The following SH3GL3 variants were observed in gnomAD, a reference collection of about 807,000 sequenced individuals.
SH3GL3 encodes endophilin-A3.
SH3GL3 carries 33 observed loss-of-function variants against 47.7 expected under a neutral mutation model. The ratio of observed to expected loss-of-function variants is 0.69; its 90% CI spans 0.52 to 0.92. The LOEUF (loss-of-function observed/expected upper bound fraction) is 0.92, where lower values mean the gene tolerates loss of function less well. Ranked by LOEUF, SH3GL3 falls within the 40% of genes least tolerant of loss-of-function variation. The pLI is 0.00. For synonymous variants in SH3GL3, 155 were observed against 148.8 expected (o/e 1.04, Z -0.30); for missense variants, 363 against 417.8 (o/e 0.87, Z 1.14).
chr15:83,567,750 G>C (rs1287790812), intron 3 of SH3GL3, among the ~76,000 whole-genome samples: 2 of 152,146 alleles, frequency 1.3e-5, no homozygotes, highest in Non-Finnish European at 2.9e-5. Flanking sequence ...TTAATGACCA[G>C]TTGGTTGTTT....
intron 1 of SH3GL3, among the ~76,000 whole-genome samples, chr15:83,545,567 T>G (rs1438889270): frequency 1.3e-5 from 2 of 152,216 alleles, no homozygotes; most frequent in Non-Finnish European, 2.9e-5. Context: ...TGGACGGTCT[T>G]GATACTTGTG....
intron 1 of SH3GL3, among the ~76,000 whole-genome samples, chr15:83,470,888 G>A (rs2151530955): frequency 6.6e-6 from 1 of 152,214 alleles, no homozygotes; most frequent in Non-Finnish European, 1.5e-5. Context: ...ACCAGTTCAA[G>A]TGAAGTGTAG....
the SH3GL3 span, among the ~76,000 whole-genome samples, chr15:83,624,007 G>A: frequency 5.3e-5 from 8 of 152,154 alleles, no homozygotes; most frequent in Non-Finnish European, 7.4e-5. Context: ...GGCTGGTCTC[G>A]AACTCCTGAC....
At chr15:83,467,396 A>C (rs1596033702) in intron 1 of SH3GL3, among the ~76,000 whole-genome samples, 1 of 152,216 alleles carries the variant, frequency 6.6e-6, no homozygotes, top group African/African-American at 2.4e-5. Context: ...TGACCTGTAT[A>C]TCTGTCCCTT....
At chr15:83,631,320 T>C in the SH3GL3 span, among the ~76,000 whole-genome samples, 1 of 152,194 alleles carries the variant, frequency 6.6e-6, no homozygotes, top group African/African-American at 2.4e-5. Context: ...CAGTGGATTC[T>C]GGAGTCTGAA....
chr15:83,571,017 A>G (rs949489944), intron 4 of SH3GL3, among the ~76,000 whole-genome samples: 1 of 152,142 alleles, frequency 6.6e-6, no homozygotes, highest in Non-Finnish European at 1.5e-5. Flanking sequence ...TGAGGAAGAG[A>G]GCTGATGTCA....
intron 6 of SH3GL3, among the ~76,000 whole-genome samples, chr15:83,580,580 A>G (rs2059804652): frequency 6.6e-6 from 1 of 152,244 alleles, no homozygotes; most frequent in African/African-American, 2.4e-5. Flanking sequence ...CCGGATTGGA[A>G]TCAAGGGACA....
intron 1 of SH3GL3, among the ~76,000 whole-genome samples, chr15:83,520,510 G>T (rs1033394743): frequency 1.3e-5 from 2 of 152,128 alleles, no homozygotes; most frequent in African/African-American, 4.8e-5. Flanking sequence ...AAAAGTGGGA[G>T]AAAGCTGTCT....
At chr15:83,482,194 G>A (rs2041388218) in intron 1 of SH3GL3, among the ~76,000 whole-genome samples, 1 of 151,880 alleles carries the variant, frequency 6.6e-6, no homozygotes. Context: ...TTTTTAAATT[G>A]TCATTTTCAA....
chr15:83,510,891 A>G (rs1045321568), intron 1 of SH3GL3, among the ~76,000 whole-genome samples: 3 of 151,764 alleles, frequency 2.0e-5, no homozygotes, highest in Non-Finnish European at 4.4e-5. Context: ...GGCTTTCCCA[A>G]AAGAAAGCTG....
At chr15:83,497,463 TA>T (rs1230609169) in intron 1 of SH3GL3, among the ~76,000 whole-genome samples, 1 of 152,210 alleles carries the variant, frequency 6.6e-6, no homozygotes, top group Non-Finnish European at 1.5e-5. Flanking sequence ...CCTTGTCCAC[TA>T]GAGGCAAGGT....
chr15:83,553,495 C>T (rs1387291661), intron 1 of SH3GL3, among the ~76,000 whole-genome samples: 1 of 152,158 alleles, frequency 6.6e-6, no homozygotes, highest in African/African-American at 2.4e-5. Flanking sequence ...CCTTCTTCCT[C>T]CCTCTCCCTT....
the SH3GL3 span, among the ~76,000 whole-genome samples, chr15:83,631,261 A>C: frequency 6.6e-6 from 1 of 152,110 alleles, no homozygotes; most frequent in Non-Finnish European, 1.5e-5. Flanking sequence ...CTACTTTCAC[A>C]GTTGGCATTG....
At chr15:83,468,150 A>T (rs1323478613) in intron 1 of SH3GL3, among the ~76,000 whole-genome samples, 2 of 152,218 alleles carry the variant, frequency 1.3e-5, no homozygotes, top group African/African-American at 4.8e-5. Flanking sequence ...TATTCAATGT[A>T]GGTGTCCATG....
At chr15:83,561,913 A>C (rs1001613987) in intron 2 of SH3GL3, among the ~76,000 whole-genome samples, 2 of 152,124 alleles carry the variant, frequency 1.3e-5, no homozygotes, top group Admixed American at 1.3e-4. Flanking sequence ...AGATGCTGTC[A>C]TACCAGGTTG....
intron 1 of SH3GL3, among the ~76,000 whole-genome samples, chr15:83,497,610 T>C (rs1385882625): frequency 1.3e-5 from 2 of 152,188 alleles, no homozygotes; most frequent in Non-Finnish European, 2.9e-5. Flanking sequence ...AATCCTTCCC[T>C]TGACTCTCTC....
rs116115722 is a variant in SH3GL3, at chr15:83,523,071, T to C, written c.46-36182T>C. Among the ~76,000 whole-genome samples the C allele has an allele frequency of 2.6e-3, 399 of 152,356 alleles. 2 individuals carry two copies. The highest frequency in any genetic ancestry group is 9.1e-3 in the African/African-American group (380 of 41,576). On this transcript the variant is annotated intron_variant, in intron 1 of 8. Transcript: ENST00000427482. ...TAAAAAATAGATTTACATGTGATGT[T>C]TCAAGGACATATCTTGTGAAGGAAG...
chr15:83,515,527 G>T (rs180883856), intron 1 of SH3GL3, among the ~76,000 whole-genome samples: 3 of 151,966 alleles, frequency 2.0e-5, no homozygotes, highest in Admixed American at 6.6e-5. Context: ...CATGCAGGTG[G>T]GGGGGGAGGG....
chr15:83,508,215 C>T (rs1019717206), intron 1 of SH3GL3, among the ~76,000 whole-genome samples: 2 of 152,124 alleles, frequency 1.3e-5, no homozygotes, highest in African/African-American at 2.4e-5. Context: ...GCTGGGATTA[C>T]AGGCTTGAGC....
Sources: gnomAD v4.1 joint callset for allele counts (sites outside exome capture counted in the v4.1 genomes callset) on GRCh38, gnomAD v4.1.1 for gene constraint, MANE v1.5 for transcripts, NCBI Gene and HGNC (gene_info 2026-07-23, HGNC 2026-07-21) for gene names.